MCMBP: variants seen among roughly 807,000 people sequenced by gnomAD.
The protein encoded by MCMBP is mini-chromosome maintenance complex-binding protein.
A neutral mutation model predicts 81.3 loss-of-function variants in MCMBP; 31 were observed. That is an observed-to-expected ratio of 0.38 (90% CI 0.29 to 0.51). The LOEUF (loss-of-function observed/expected upper bound fraction) is 0.51. Ranked by LOEUF, MCMBP falls within the 20% of genes least tolerant of loss-of-function variation. The pLI, the probability that MCMBP is intolerant of heterozygous loss-of-function variation, is 0.87. For missense variants in MCMBP, 645 were observed against 772.1 expected, an observed-to-expected ratio of 0.84 and a Z score of 1.95; for synonymous variants, 267 against 275.9, an observed-to-expected ratio of 0.97 and a Z score of 0.32.
In MCMBP at chr10:119,843,361, C is replaced by CTG; in HGVS notation, c.891_892dup (p.Ser298ThrfsTer7). ...TCTCGGCACTAATGAAGCAGGAGGA[C>CTG]TGTGTACTCTCTGCTCCTCTGCTGT... is the stretch of plus-strand genomic sequence containing the variant. On this transcript the variant is annotated frameshift_variant, in exon 9 of 16. Coordinates refer to ENST00000369077, the MANE Select transcript of MCMBP (RefSeq NM_001256378.2). LOFTEE classifies it high-confidence loss of function. 1 of 1,614,072 alleles carries CTG rather than the reference C, an allele frequency of 6.2e-7. No homozygotes were observed. Among genetic ancestry groups the CTG allele is most frequent in the Non-Finnish European group, 8.5e-7 (1 of 1,179,942 alleles).
chr10:119,852,586 G>C (rs1450367150), intron 6 of MCMBP, among the ~76,000 whole-genome samples: 4 of 152,162 alleles, frequency 2.6e-5, no homozygotes, highest in Non-Finnish European at 4.4e-5. Context: ...TGAAGTGACA[G>C]GGGATCACTT....
intron 5 of MCMBP, among the ~76,000 whole-genome samples, chr10:119,853,497 C>T (rs1852906663): frequency 6.6e-6 from 1 of 152,196 alleles, no homozygotes; most frequent in Non-Finnish European, 1.5e-5. Flanking sequence ...AGCAGGTAAA[C>T]TCCAAATTCT....
intron 1 of MCMBP, among the ~76,000 whole-genome samples, chr10:119,866,437 C>T (rs1033094734): frequency 6.6e-6 from 1 of 152,160 alleles, no homozygotes; most frequent in African/African-American, 2.4e-5. Context: ...AGCAGCCTGA[C>T]CAACATGGTA....
intron 1 of MCMBP, among the ~76,000 whole-genome samples, chr10:119,860,620 T>C (rs1853221711): frequency 1.3e-5 from 2 of 152,214 alleles, no homozygotes; most frequent in South Asian, 4.1e-4. Flanking sequence ...AGGACCCAGC[T>C]TAGGATCACT....
Position 119,838,694 on chromosome 10 carries a change from GA to G in MCMBP, c.1248del (p.Arg417ValfsTer4). 1 of 1,599,950 alleles carries G rather than the reference GA, an allele frequency of 6.3e-7. No individual in the cohort carries two copies. Among genetic ancestry groups the G allele is most frequent in the Non-Finnish European group, 8.5e-7 (1 of 1,170,656 alleles). ...RIIQHLVPAS[F>X]RLQMTIENMN... ...ATGTTCTCTATAGTCATCTGCAGAC[GA>G]AAAGACTGCAAAGAGAAATTTTTTA... On this transcript the variant is annotated frameshift_variant, in exon 12 of 16. Transcript: ENST00000369077. LOFTEE classifies it high-confidence loss of function.
At chr10:119,853,896 T>C (rs530716662) in intron 5 of MCMBP, among the ~76,000 whole-genome samples, 1 of 152,340 alleles carries the variant, frequency 6.6e-6, no homozygotes, top group African/African-American at 2.4e-5. Flanking sequence ...AGGGCTGTTC[T>C]ACACCACCCC....
chr10:119,870,796 C>A (rs1241228934), intron 1 of MCMBP, among the ~76,000 whole-genome samples: 2 of 152,166 alleles, frequency 1.3e-5, no homozygotes, highest in African/African-American at 4.8e-5. Context: ...TCTACGAACA[C>A]ATTATGACTT....
intron 1 of MCMBP, among the ~76,000 whole-genome samples, chr10:119,867,599 T>C (rs996811424): frequency 2.0e-5 from 3 of 152,122 alleles, no homozygotes; most frequent in Non-Finnish European, 4.4e-5. Context: ...AGATTTTCTA[T>C]GCCTGAAAAT....
rs368731031 is a variant in MCMBP, at chr10:119,831,227, CTTT to C, written c.*244_*246del. 5.3e-4 allele frequency: 131 copies of C among 244,994 alleles called. No individual in the cohort carries two copies. Among genetic ancestry groups the C allele is most frequent in the Non-Finnish European group, 6.2e-5 (8 of 129,862 alleles). 15.2% of individuals were successfully genotyped at this position (244,994 alleles called of 1,614,324 possible). A position where few individuals can be genotyped will look rare whatever the true frequency, so the allele number is the denominator to read the frequency against. On this transcript the variant is annotated 3_prime_UTR_variant, in exon 16 of 16. Coordinates refer to ENST00000369077, the MANE Select transcript of MCMBP (RefSeq NM_001256378.2). ...AATATTAAACTTTTAATATCAAATA[CTTT>C]TTTTACATCATTACTAATTTATATA...
intron 1 of MCMBP, among the ~76,000 whole-genome samples, chr10:119,862,289 T>A (rs12780593): frequency 0.16 from 24,594 of 151,952 alleles, 2,171 homozygotes; most frequent in South Asian, 0.44. Context: ...CCTGGGCGAC[T>A]AGAGTGAATC....
In MCMBP at chr10:119,836,970, A is replaced by C; in HGVS notation, c.1468T>G (p.Phe490Val). Residue 490 changes from phenylalanine (F) to valine (V), a missense_variant, in exon 13 of 16, where the codon TTC becomes GTC. Coordinates refer to ENST00000369077, the MANE Select transcript of MCMBP (RefSeq NM_001256378.2). Reference sequence around the variant, plus strand: ...GGGAATTCCATCTGATGGTAGCTGAAGTCATAATCCACCTTCTGCCACGTT... The same window carrying C: ...GGGAATTCCATCTGATGGTAGCTGACGTCATAATCCACCTTCTGCCACGTT... Reference protein sequence around the residue: ...LITWQKVDYDFSYHQMEFPCN... With the variant: ...LITWQKVDYDVSYHQMEFPCN... The C allele has an allele frequency of 6.2e-7, 1 of 1,613,894 alleles. No homozygotes were observed.
chr10:119,842,612 G>A lies in MCMBP; in HGVS notation c.1001-17C>T. Reference sequence around the variant, plus strand: ...TTGAAACAACTGAAGGAGAAAGGAAGACCTGAGTCAGGACACACACTCCAG... The same window carrying A: ...TTGAAACAACTGAAGGAGAAAGGAAAACCTGAGTCAGGACACACACTCCAG... On this transcript the variant is annotated splice_polypyrimidine_tract_variant and intron_variant, in intron 9 of 15. Coordinates refer to ENST00000369077, the MANE Select transcript of MCMBP (RefSeq NM_001256378.2). 6.2e-7 allele frequency: 1 copy of A among 1,609,618 alleles called. No individual in the cohort carries two copies. The highest frequency in any genetic ancestry group is 8.5e-7 in the Non-Finnish European group (1 of 1,178,066).
chr10:119,850,881 T>TTG (rs1852799885), intron 6 of MCMBP, among the ~76,000 whole-genome samples: 1 of 149,624 alleles, frequency 6.7e-6, no homozygotes, highest in Non-Finnish European at 1.5e-5. Context: ...TCTGTTTTTT[T>TTG]TTTTTTTTTT....
chr10:119,843,536 C>G, intron 8 of MCMBP, 110 bp from the exon 9 acceptor site: 1 of 1,001,008 alleles, frequency 1.0e-6, no homozygotes, highest in Non-Finnish European at 1.4e-6. Flanking sequence ...AATATTTCCA[C>G]CTGTACATCT....
intron 1 of MCMBP, among the ~76,000 whole-genome samples, chr10:119,861,912 T>A (rs765859816): frequency 2.3e-4 from 35 of 152,134 alleles, no homozygotes; most frequent in Non-Finnish European, 4.6e-4. Flanking sequence ...GGCTAATTTT[T>A]AAATCTTTTT....
intron 1 of MCMBP, among the ~76,000 whole-genome samples, chr10:119,869,220 C>T (rs1853578168): frequency 1.3e-5 from 2 of 152,186 alleles, no homozygotes; most frequent in Admixed American, 6.5e-5. Flanking sequence ...CCGAGGCAGG[C>T]AGATCACCTG....
At chr10:119,845,889 G>A (rs1160781730) in intron 8 of MCMBP, among the ~76,000 whole-genome samples, 7 of 152,152 alleles carry the variant, frequency 4.6e-5, no homozygotes, top group Admixed American at 4.6e-4. Flanking sequence ...ATAGAAAGGA[G>A]AACAACTAGA....
intron 7 of MCMBP, among the ~76,000 whole-genome samples, chr10:119,849,044 C>G (rs982990510): frequency 1.3e-5 from 2 of 152,140 alleles, no homozygotes; most frequent in Non-Finnish European, 2.9e-5. Context: ...CCCATGTAAT[C>G]ACACGGATTC....
chr10:119,860,228 A>G (rs1210465686), intron 1 of MCMBP, among the ~76,000 whole-genome samples: 1 of 152,220 alleles, frequency 6.6e-6, no homozygotes, highest in Non-Finnish European at 1.5e-5. Flanking sequence ...CTGCTTGTAA[A>G]GCATTCTGTT....
Sources: allele counts gnomAD v4.1 joint callset (sites outside exome capture counted in the v4.1 genomes callset), GRCh38; gene constraint gnomAD v4.1.1; transcripts MANE v1.5; gene names NCBI Gene and HGNC (gene_info 2026-07-23, HGNC 2026-07-21).